RASA1: variants seen among roughly 807,000 people sequenced by gnomAD.
The protein encoded by RASA1 is RAS p21 protein activator 1.
A neutral mutation model predicts 132.2 loss-of-function variants in RASA1; 25 were observed. The ratio of observed to expected loss-of-function variants is 0.19; its 90% CI spans 0.14 to 0.26. RASA1 has a LOEUF of 0.26. Ranked by LOEUF, RASA1 falls within the 10% of genes least tolerant of loss-of-function variation. RASA1 has a pLI of 1.00. For missense variants in RASA1, 964 were observed against 1,299.2 expected, an observed-to-expected ratio of 0.74 and a Z score of 3.97; for synonymous variants, 477 against 449.9, an observed-to-expected ratio of 1.06 and a Z score of -0.76.
At chr5:87,382,305 A>C (rs908994745) in intron 20 of RASA1, among the ~76,000 whole-genome samples, 5 of 152,210 alleles carry the variant, frequency 3.3e-5, no homozygotes, top group Non-Finnish European at 5.9e-5. Flanking sequence ...TTACTTTCTA[A>C]GAGTCCAAAA....
At chr5:87,365,077 T>C (rs1228546951) in intron 11 of RASA1, among the ~76,000 whole-genome samples, 1 of 152,142 alleles carries the variant, frequency 6.6e-6, no homozygotes, top group African/African-American at 2.4e-5. Flanking sequence ...AACAATTTTA[T>C]TGAGATCAGT....
rs540196560 is a variant in RASA1, at chr5:87,270,536, C to T, written c.539+1546C>T. Among the ~76,000 whole-genome samples, 368 of 150,388 alleles carry T rather than the reference C, an allele frequency of 2.4e-3. 3 individuals are homozygous for T. Among genetic ancestry groups the T allele is most frequent in the African/African-American group, 8.8e-3 (362 of 40,964 alleles). On this transcript the variant is annotated intron_variant, in intron 1 of 24. Transcript: ENST00000274376. ...CTAATTTTTGTATTTTTAATAGAGA[C>T]GAAATTTCGCCATATGGCCAAACTG...
At position 87,299,644 on chromosome 5, in the gene RASA1, C is replaced by T. The variant is rs1049183142; in HGVS notation, c.539+30654C>T. 8 of 132,616 alleles carry T rather than the reference C, an allele frequency of 6.0e-5. No individual in the cohort carries two copies. The South Asian group carries it at 7.7e-4, about 13-fold the overall frequency. The allele number at this position is 132,616 out of a possible 1,614,324, so 8.2% of individuals were successfully genotyped here. ...ATATCCCGCATCTCCCATAGTTAAC[C>T]GTTTGTGTGTGTGTGTGTGTGTGTG... is the stretch of plus-strand genomic sequence containing the variant. On this transcript the variant is annotated intron_variant, in intron 1 of 24. Transcript: ENST00000274376.
chr5:87,308,664 A>G (rs1317082908), intron 1 of RASA1, among the ~76,000 whole-genome samples: 2 of 152,206 alleles, frequency 1.3e-5, no homozygotes, highest in African/African-American at 2.4e-5. Flanking sequence ...ACGTTTACCT[A>G]TGTGTAACAT....
intron 11 of RASA1, among the ~76,000 whole-genome samples, chr5:87,365,337 T>G (rs980676467): frequency 6.6e-6 from 1 of 152,180 alleles, no homozygotes; most frequent in African/African-American, 2.4e-5. Flanking sequence ...AAAGAATTGA[T>G]GCATAACACT....
intron 9 of RASA1, among the ~76,000 whole-genome samples, chr5:87,354,586 C>T (rs1316158733): frequency 2.6e-5 from 4 of 152,078 alleles, no homozygotes; most frequent in Admixed American, 2.0e-4. Flanking sequence ...TTTCTGCAGA[C>T]ACAACACTAT....
chr5:87,368,801 G>A (rs893554724), intron 11 of RASA1, among the ~76,000 whole-genome samples: 1 of 152,196 alleles, frequency 6.6e-6, no homozygotes, highest in Non-Finnish European at 1.5e-5. Context: ...AAAAGATGTG[G>A]AGAATGTCGG....
intron 4 of RASA1, 38 bp downstream of exon 4, chr5:87,333,375 A>G: frequency 6.2e-7 from 1 of 1,607,750 alleles, no homozygotes; most frequent in Non-Finnish European, 8.5e-7. Flanking sequence ...GGCATTTGAA[A>G]GAGCTAGACT....
At chr5:87,342,680 G>A (rs1272526200) in intron 6 of RASA1, among the ~76,000 whole-genome samples, 3 of 152,148 alleles carry the variant, frequency 2.0e-5, no homozygotes, top group Non-Finnish European at 2.9e-5. Flanking sequence ...ATTCACTCAC[G>A]GTGTTAGGGA....
At chr5:87,318,818 A>G (rs1756547595) in intron 1 of RASA1, 1 of 152,228 alleles carries the variant, frequency 6.6e-6, no homozygotes. Context: ...ACAGTCCCCC[A>G]AAGTCTTAAC....
At chr5:87,358,567 C>T (rs1465899085) in intron 9 of RASA1, among the ~76,000 whole-genome samples, 3 of 152,348 alleles carry the variant, frequency 2.0e-5, no homozygotes, top group Middle Eastern at 3.4e-3. Flanking sequence ...TAGTTTCTAG[C>T]TTTGTCCCCT....
intron 1 of RASA1, among the ~76,000 whole-genome samples, chr5:87,304,791 T>C (rs1312645081): frequency 6.6e-6 from 1 of 152,172 alleles, no homozygotes; most frequent in Admixed American, 6.5e-5. Context: ...TAATATTCAT[T>C]AGATATTACT....
rs189004063 is a variant in RASA1 at position 87,279,397 on chromosome 5, G to A, written c.539+10407G>A. ...TAGATGTGCCACAGTTTGTTTAACCGTTCAGCCATTGGGGAACATTTGGGT... is the reference window on the plus strand; with the variant it reads ...TAGATGTGCCACAGTTTGTTTAACCATTCAGCCATTGGGGAACATTTGGGT... On this transcript the variant is annotated intron_variant, in intron 1 of 24. Coordinates refer to ENST00000274376, the MANE Select transcript of RASA1 (RefSeq NM_002890.3). Among the ~76,000 whole-genome samples, 20 of 149,260 alleles carry A rather than the reference G, an allele frequency of 1.3e-4. No homozygotes were observed. The East Asian group carries it at 2.6e-3, about 19-fold the overall frequency.
intron 6 of RASA1, among the ~76,000 whole-genome samples, chr5:87,344,888 A>C (rs1467373606): frequency 8.6e-5 from 13 of 151,896 alleles, no homozygotes; most frequent in African/African-American, 2.9e-4. Flanking sequence ...TAGCTCATTC[A>C]TCACTTCCCC....
chr5:87,368,189 C>A (rs553120096), intron 11 of RASA1, among the ~76,000 whole-genome samples: 1 of 152,146 alleles, frequency 6.6e-6, no homozygotes, highest in Non-Finnish European at 1.5e-5. Flanking sequence ...CCTTTTTCCT[C>A]TGTACCAACC....
chr5:87,339,667 GA>G (rs1372827626), intron 5 of RASA1, among the ~76,000 whole-genome samples: 3 of 152,076 alleles, frequency 2.0e-5, no homozygotes, highest in African/African-American at 4.8e-5. Flanking sequence ...AAGGAGACAT[GA>G]CCTCACATCA....
At chr5:87,373,872 T>C (rs533707004) in intron 13 of RASA1, among the ~76,000 whole-genome samples, 2 of 152,132 alleles carry the variant, frequency 1.3e-5, no homozygotes, top group African/African-American at 4.8e-5. Context: ...TATCATTGTT[T>C]TATGGTAGAA....
At chr5:87,334,059 A>G (rs1349170756) in intron 4 of RASA1, among the ~76,000 whole-genome samples, 1 of 152,156 alleles carries the variant, frequency 6.6e-6, no homozygotes, top group African/African-American at 2.4e-5. Flanking sequence ...TTTGAGATCC[A>G]TTTAGAAGGT....
chr5:87,374,727 C>T (rs552136066), intron 14 of RASA1, 113 bp from the exon 15 acceptor site: 3 of 1,414,350 alleles, frequency 2.1e-6, no homozygotes, highest in South Asian at 2.5e-5. Context: ...GTCTAGCACA[C>T]TGTTTTTTTT....
Sources: allele counts gnomAD v4.1 joint callset (sites outside exome capture counted in the v4.1 genomes callset), GRCh38; gene constraint gnomAD v4.1.1; transcripts MANE v1.5; gene names NCBI Gene and HGNC (gene_info 2026-07-23, HGNC 2026-07-21).